ARHGEF4: variants seen among roughly 807,000 people sequenced by gnomAD.
ARHGEF4 encodes the protein APC-stimulated guanine nucleotide exchange factor 1.
Under a neutral mutation model 162.0 loss-of-function variants are expected in ARHGEF4, and 119 were observed. That is an observed-to-expected ratio of 0.73 (90% confidence interval 0.63 to 0.86). The LOEUF is 0.86. Among genes scored for constraint, ARHGEF4 ranks in the 40% least tolerant of loss-of-function variants. ARHGEF4 has a pLI of 0.00. For missense variants in ARHGEF4, 2,488 were observed against 2,456.0 expected, an observed-to-expected ratio of 1.01 and a Z score of -0.28; for synonymous variants, 1,014 against 979.9, an observed-to-expected ratio of 1.03 and a Z score of -0.65.
At chr2:131,038,775 TGAGGGAGTG>T (rs1690508146) in intron 5 of ARHGEF4, 69 bp from the exon 6 acceptor site, 1 of 1,472,376 alleles carries the variant, frequency 6.8e-7, no homozygotes, top group Admixed American at 2.1e-5. Context: ...CCAGGGCTGC[TGAGGGAGTG>T]GAGACAGAGA....
Position 130,915,238 on chromosome 2 carries a change from A to G in ARHGEF4, c.1292A>G (p.Gln431Arg), listed in dbSNP as rs1681409728. The G allele has an allele frequency of 3.9e-6, 6 of 1,550,526 alleles. No individual in the cohort carries two copies. The African/African-American group carries it at 6.8e-5, about 18-fold the overall frequency. ...CTCCTGGGGGAAAACCAGTTAAGAC[A>G]GGATTCCAGGTCATGTCTGGTGGCT... is the stretch of plus-strand genomic sequence containing the variant. ...AGLLGENQLR[Q>R]DSRSCLVASC... The change falls in exon 2 of 14, where the codon CAG becomes CGG. Residue 431 changes from glutamine to arginine, a missense_variant. Physicochemically the swap from Gln to Arg is conservative, Grantham distance 43 (BLOSUM62 1). Around this residue, in one of 6 missense-constraint regions of ARHGEF4, gnomAD observed 1,642 missense variants for 1,481.5 expected, o/e 1.11. Coordinates refer to ENST00000409359, the MANE Select transcript of ARHGEF4 (RefSeq NM_001367493.1).
chr2:130,845,143 G>A (rs1680869813), intron 1 of ARHGEF4, among the ~76,000 whole-genome samples: 2 of 151,636 alleles, frequency 1.3e-5, no homozygotes, highest in African/African-American at 2.4e-5. Context: ...TAACCAGTGG[G>A]GTTGAATGGA....
chr2:130,937,330 T>C (rs1032910542), intron 3 of ARHGEF4, among the ~76,000 whole-genome samples: 8 of 152,220 alleles, frequency 5.3e-5, no homozygotes, highest in African/African-American at 1.9e-4. Context: ...GCTGCTTTCC[T>C]TCATATTGGA....
chr2:130,894,551 G>A (rs77330040), intron 1 of ARHGEF4, among the ~76,000 whole-genome samples: 2,141 of 152,292 alleles, frequency 0.014, 53 homozygotes, highest in African/African-American at 0.048. Context: ...CAGGACTGGG[G>A]CAGGGAAGGG....
intron 4 of ARHGEF4, among the ~76,000 whole-genome samples, chr2:130,991,489 G>A (rs1188592770): frequency 6.6e-6 from 1 of 152,208 alleles, no homozygotes. Context: ...CGGCGCTTGC[G>A]GGCCAGCTGG....
rs6752724 is a variant in ARHGEF4 at position 130,914,698 on chromosome 2, T to C, written c.752T>C (p.Leu251Pro). The C allele has an allele frequency of 1, 1,387,653 of 1,387,774 alleles. 693,766 individuals are homozygous for C. The highest frequency in any genetic ancestry group is 1 in the African/African-American group (69,064 of 69,064). The allele number at this position is 1,387,774 out of a possible 1,614,324, so 86.0% of individuals were successfully genotyped here. Residue 251 changes from leucine to proline, a missense_variant, in exon 2 of 14, where the codon CTG (leucine) becomes CCG (proline). Physicochemically the swap from Leu to Pro is moderately conservative, Grantham distance 98. This residue lies in a region of ARHGEF4 where 1,642 missense variants were observed against 1,481.5 expected (regional missense o/e 1.11). Coordinates refer to ENST00000409359, the MANE Select transcript of ARHGEF4 (RefSeq NM_001367493.1). The stretch of plus-strand genomic sequence containing the variant: ...CATATCCACAACAGGGCCAGGGCAC[T>C]GGTGCTACCTAGCAGAGGCCCACTG... ...WPHIHNRARA[L>P]VLPSRGPLDN...
intron 6 of ARHGEF4, chr2:131,039,778 A>G (rs1249388246): frequency 5.0e-6 from 7 of 1,392,788 alleles, no homozygotes; most frequent in Non-Finnish European, 6.5e-6. Context: ...GGGTCTAGGA[A>G]GGAGGCCAAA....
At chr2:131,022,539 G>T (rs188750841) in intron 4 of ARHGEF4, among the ~76,000 whole-genome samples, 1 of 151,568 alleles carries the variant, frequency 6.6e-6, no homozygotes, top group Admixed American at 6.6e-5. Flanking sequence ...TTTTACAAAG[G>T]TACAAAAGCA....
chr2:131,032,805 A>G (rs1343649165), intron 5 of ARHGEF4, among the ~76,000 whole-genome samples: 2 of 143,882 alleles, frequency 1.4e-5, no homozygotes, highest in African/African-American at 5.5e-5. Context: ...TCAAGGGCCT[A>G]GGCCTTTGCC....
intron 4 of ARHGEF4, among the ~76,000 whole-genome samples, chr2:130,960,302 G>A (rs1220132349): frequency 6.6e-6 from 1 of 152,100 alleles, no homozygotes; most frequent in Non-Finnish European, 1.5e-5. Flanking sequence ...CCATTACGAT[G>A]TTAATATTTT....
chr2:130,971,832 C>T (rs1685392252), intron 4 of ARHGEF4, among the ~76,000 whole-genome samples: 1 of 152,164 alleles, frequency 6.6e-6, no homozygotes, highest in African/African-American at 2.4e-5. Flanking sequence ...GCCAAGAGCT[C>T]TCCACCAGAC....
rs908455241 is a variant in ARHGEF4 at position 130,890,901 on chromosome 2, A to G, written c.40-23085A>G. Among the ~76,000 whole-genome samples, 4 of 152,164 alleles carry G rather than the reference A, an allele frequency of 2.6e-5. 1 individual carries two copies. The South Asian group carries it at 6.2e-4, about 24-fold the overall frequency. ...TCATGTCTCTCGAAGAGATAAGAAC[A>G]CAGAGATGCTTGTCTGTGGGTCTCT... On this transcript the variant is annotated intron_variant, in intron 1 of 13. Transcript: ENST00000409359.
At position 131,044,600 on chromosome 2, in the gene ARHGEF4, G is replaced by A. The variant is rs552166034; in HGVS notation, c.5401+58G>A. On this transcript the variant is annotated intron_variant, in intron 12 of 13. Coordinates refer to ENST00000409359, the MANE Select transcript of ARHGEF4 (RefSeq NM_001367493.1). The stretch of plus-strand genomic sequence containing the variant: ...CAGGGCCCACCCGGCGCTCCCGCCT[G>A]CCTGGCCGCCTGCCGGTCAGGAGAG... The A allele has an allele frequency of 2.5e-4, 383 of 1,516,308 alleles. 3 individuals are homozygous for A. The South Asian group carries it at 4.6e-3, about 18-fold the overall frequency. The allele number at this position is 1,516,308 out of a possible 1,614,324, so 93.9% of individuals were successfully genotyped here. A position where few individuals can be genotyped will look rare whatever the true frequency, so the allele number is the denominator to read the frequency against.
chr2:130,985,264 T>C (rs886325968), intron 4 of ARHGEF4, among the ~76,000 whole-genome samples: 1 of 152,138 alleles, frequency 6.6e-6, no homozygotes, highest in South Asian at 2.1e-4. Flanking sequence ...TAGGAGGGCT[T>C]CTGAGACCCC....
chr2:131,011,874 G>T (rs563836032), intron 4 of ARHGEF4: 26 of 705,036 alleles, frequency 3.7e-5, no homozygotes, highest in African/African-American at 1.7e-4. Flanking sequence ...AAGTGTGGGG[G>T]CGGCGGAGGG....
At chr2:130,872,503 C>G (rs78290225) in intron 1 of ARHGEF4, among the ~76,000 whole-genome samples, 17,482 of 152,108 alleles carry the variant, frequency 0.11, 1,311 homozygotes, top group South Asian at 0.21. Context: ...CCATCCCCAG[C>G]CCTCCTCCGC....
intron 1 of ARHGEF4, among the ~76,000 whole-genome samples, chr2:130,893,310 C>G (rs1467010918): frequency 6.6e-6 from 1 of 152,224 alleles, no homozygotes; most frequent in African/African-American, 2.4e-5. Context: ...GTGTTACTCT[C>G]TGCCTCCTTG....
chr2:131,043,375 C>T, intron 10 of ARHGEF4, 77 bp from the exon 11 acceptor site: 1 of 1,589,180 alleles, frequency 6.3e-7, no homozygotes, highest in Non-Finnish European at 8.6e-7. Context: ...GGTGCGCCAC[C>T]CACCCATGAT....
At chr2:131,024,114 G>C (rs1178081096) in intron 4 of ARHGEF4, among the ~76,000 whole-genome samples, 1 of 152,200 alleles carries the variant, frequency 6.6e-6, no homozygotes, top group East Asian at 1.9e-4. Flanking sequence ...TTGTACTAAA[G>C]TCAGGTTCTT....
Sources: gnomAD v4.1 joint callset for allele counts (sites outside exome capture counted in the v4.1 genomes callset) on GRCh38, gnomAD v4.1.1 for gene constraint, gnomAD v4.1.1 regional missense constraint, MANE v1.5 for transcripts, NCBI Gene and HGNC (gene_info 2026-07-23, HGNC 2026-07-21) for gene names.